Variants in ACTN4 observed in about 807,000 individuals in gnomAD.
The protein encoded by ACTN4 is actinin alpha 4, also known as alpha-actinin-4.
Under a neutral mutation model 114.2 loss-of-function variants are expected in ACTN4, and 18 were observed. That is an observed-to-expected ratio of 0.16 (90% CI 0.11 to 0.23). The LOEUF (loss-of-function observed/expected upper bound fraction) is 0.23, where lower values mean the gene tolerates loss of function less well. Ranked by LOEUF, ACTN4 falls within the 10% of genes least tolerant of loss-of-function variation. ACTN4 has a pLI of 1.00. For missense variants in ACTN4, 722 were observed against 1,262.9 expected, an observed-to-expected ratio of 0.57 and a Z score of 6.49; for synonymous variants, 515 against 506.3, an observed-to-expected ratio of 1.02 and a Z score of -0.23.
intron 1 of ACTN4, among the ~76,000 whole-genome samples, chr19:38,657,096 C>G (rs1976733113): frequency 6.6e-6 from 1 of 151,478 alleles, no homozygotes; most frequent in Non-Finnish European, 1.5e-5. Flanking sequence ...CAGCCTCAGC[C>G]TCCCTAGTAG....
At position 38,729,627 on chromosome 19, in the gene ACTN4, C is replaced by A; in HGVS notation, c.*195C>A. 2.4e-6 allele frequency: 2 copies of A among 820,614 alleles called. No homozygotes were observed. Among genetic ancestry groups the A allele is most frequent in the Non-Finnish European group, 4.0e-6 (2 of 494,662 alleles). The allele number at this position is 820,614 out of a possible 1,614,324, so 50.8% of individuals were successfully genotyped here. On this transcript the variant is annotated 3_prime_UTR_variant, in exon 21 of 21. Coordinates refer to ENST00000252699, the MANE Select transcript of ACTN4 (RefSeq NM_004924.6). ...GGGTTGGCCAGGAGGTTCCCCCGAC[C>A]AGGTTGGGGAGACTTGGGGCCAGCG... is the stretch of plus-strand genomic sequence containing the variant.
intron 4 of ACTN4, among the ~76,000 whole-genome samples, chr19:38,705,347 G>C (rs1172036451): frequency 3.3e-5 from 5 of 152,364 alleles, no homozygotes; most frequent in Admixed American, 3.3e-4. Flanking sequence ...TAGTGAGAGA[G>C]TTGGGCCTGG....
rs770826495 is a variant in ACTN4, at chr19:38,727,010, C to T, written c.2244C>T (p.Asn748=). The change falls in exon 18 of 21, where the codon AAC becomes AAT. Residue 748 remains asparagine, a synonymous_variant. Transcript: ENST00000252699. The surrounding 1 kb of genome is among the most constrained non-coding windows in gnomAD (Gnocchi z 5.4). ...QLLTTIARTI[N]EVENQILTRD... ...TCACCACCATTGCCCGCACCATCAA[C>T]GAGGTGGAGAACCAGATCCTCACCC... The T allele has an allele frequency of 6.8e-6, 11 of 1,614,160 alleles. No individual in the cohort carries two copies. Among genetic ancestry groups the T allele is most frequent in the Middle Eastern group, 1.6e-4 (1 of 6,062 alleles).
intron 1 of ACTN4, among the ~76,000 whole-genome samples, chr19:38,691,228 C>T (rs1448908041): frequency 6.6e-6 from 1 of 151,754 alleles, no homozygotes; most frequent in African/African-American, 2.4e-5. Context: ...CTAGCCTGAC[C>T]AACATGGAGA....
chr19:38,714,247 C>T (rs1232346870), intron 8 of ACTN4, among the ~76,000 whole-genome samples: 3 of 152,232 alleles, frequency 2.0e-5, no homozygotes, highest in Non-Finnish European at 2.9e-5. Flanking sequence ...TCGGTGCCTC[C>T]AGGGTCTGGG....
At position 38,728,897 on chromosome 19, in the gene ACTN4, ACT is replaced by A. The variant is rs1370858701; in HGVS notation, c.2419-93_2419-92del. ...CGCACGCACACGTGGGTTGGGCCCT[ACT>A]CTCTCGGCTGTTTCCCTGGAGACCC... On this transcript the variant is annotated intron_variant, in intron 19 of 20. Coordinates refer to ENST00000252699, the MANE Select transcript of ACTN4 (RefSeq NM_004924.6). The A allele has an allele frequency of 2.3e-5, 34 of 1,496,428 alleles. No homozygotes were observed. The Admixed American group carries it at 4.0e-4, about 18-fold the overall frequency. 92.7% of individuals were successfully genotyped at this position (1,496,428 alleles called of 1,614,324 possible). A position where few individuals can be genotyped will look rare whatever the true frequency, so the allele number is the denominator to read the frequency against.
rs543079987 is a variant in ACTN4, at chr19:38,687,315, A to G, written c.163-13285A>G. On this transcript the variant is annotated intron_variant, in intron 1 of 20. Coordinates refer to ENST00000252699, the MANE Select transcript of ACTN4 (RefSeq NM_004924.6). ...ACCTCAGATCTTTCATTTATGGAAC[A>G]AGGGGGTTGGATTAGATTGTTCGCT... Among the ~76,000 whole-genome samples the G allele has an allele frequency of 3.9e-5, 6 of 152,236 alleles. No individual in the cohort carries two copies. In the East Asian group the frequency reaches 7.7e-4, roughly 20 times the overall value.
Position 38,693,211 on chromosome 19 carries a change from A to T in ACTN4, c.163-7389A>T, listed in dbSNP as rs1967986931. Among the ~76,000 whole-genome samples, 8 of 152,116 alleles carry T rather than the reference A, an allele frequency of 5.3e-5. No homozygotes were observed. The South Asian group carries it at 1.7e-3, about 32-fold the overall frequency. Reference sequence around the variant, plus strand: ...GTGAGCATCAGCCTGGTGGGTGGGGAGAGTGAAGCCTGCGATCCAGTCTGG... The same window carrying T: ...GTGAGCATCAGCCTGGTGGGTGGGGTGAGTGAAGCCTGCGATCCAGTCTGG... On this transcript the variant is annotated intron_variant, in intron 1 of 20. Coordinates refer to ENST00000252699, the MANE Select transcript of ACTN4 (RefSeq NM_004924.6).
At chr19:38,689,143 G>A (rs988932124) in intron 1 of ACTN4, among the ~76,000 whole-genome samples, 1 of 152,032 alleles carries the variant, frequency 6.6e-6, no homozygotes. Context: ...TATTCACGGT[G>A]GTGCTAATAT....
chr19:38,724,356 C>A lies in ACTN4; in HGVS notation c.1875+17C>A. ...TGGGAGAAGGTGGGCCGGGGCCATC[C>A]GTAGGGGCTGGGGCAGGACGGCGGG... On this transcript the variant is annotated intron_variant, in intron 15 of 20. Transcript: ENST00000252699. The surrounding 1 kb of genome is among the most constrained non-coding windows in gnomAD (Gnocchi z 7.0). 1 of 1,613,106 alleles carries A rather than the reference C, an allele frequency of 6.2e-7. No homozygotes were observed. Among genetic ancestry groups the A allele is most frequent in the Non-Finnish European group, 8.5e-7 (1 of 1,179,844 alleles).
chr19:38,701,723 C>CT (rs1174788081), intron 3 of ACTN4, among the ~76,000 whole-genome samples: 2 of 152,254 alleles, frequency 1.3e-5, no homozygotes, highest in Non-Finnish European at 1.5e-5. Context: ...GAGCAGCAGG[C>CT]TCTCAGCAGG....
chr19:38,704,007 T>C (rs992244665), intron 3 of ACTN4, among the ~76,000 whole-genome samples: 1 of 152,182 alleles, frequency 6.6e-6, no homozygotes, highest in Non-Finnish European at 1.5e-5. Context: ...GGCCTGGGCC[T>C]TCAGGGCAAG....
chr19:38,721,153 A>G (rs1196323030), intron 11 of ACTN4, among the ~76,000 whole-genome samples: 1 of 152,196 alleles, frequency 6.6e-6, no homozygotes, highest in Non-Finnish European at 1.5e-5. Flanking sequence ...CTGCTGGGAC[A>G]TGGGCTTTGA....
chr19:38,667,417 G>A (rs1568683917), intron 1 of ACTN4, among the ~76,000 whole-genome samples: 1 of 152,014 alleles, frequency 6.6e-6, no homozygotes, highest in African/African-American at 2.4e-5. Context: ...AATCACAAGG[G>A]GTGGGGGGTG....
chr19:38,725,792 T>C lies in ACTN4; in HGVS notation c.2079T>C (p.Tyr693=). 2 of 1,614,158 alleles carry C rather than the reference T, an allele frequency of 1.2e-6. No homozygotes were observed. Among genetic ancestry groups the C allele is most frequent in the Non-Finnish European group, 1.7e-6 (2 of 1,180,044 alleles). ...ACCAGCTGAGCCACCTGAAGCAGTA[T>C]GAACGCAGCATCGTGGACTACAAGC... ...LEDQLSHLKQ[Y]ERSIVDYKPN... is the part of the protein sequence containing the mutation. Residue 693 remains tyrosine (Y), a synonymous_variant, in exon 17 of 21, where the codon TAT becomes TAC. Coordinates refer to ENST00000252699, the MANE Select transcript of ACTN4 (RefSeq NM_004924.6).
chr19:38,649,486 G>C (rs527365334), intron 1 of ACTN4, among the ~76,000 whole-genome samples: 85 of 152,284 alleles, frequency 5.6e-4, no homozygotes, highest in African/African-American at 2.0e-3. Flanking sequence ...GATTCGCTCT[G>C]TGGCCTTGGA....
Position 38,701,112 on chromosome 19 carries a change from G to A in ACTN4, c.388G>A (p.Gly130Arg). The change falls in exon 3 of 21, where the codon GGG (glycine) becomes AGG (arginine). Residue 130 changes from glycine (G) to arginine (R), a missense_variant. This residue lies in a region of ACTN4 where 127 missense variants were observed against 311.3 expected (regional missense o/e 0.41). Coordinates refer to ENST00000252699, the MANE Select transcript of ACTN4 (RefSeq NM_004924.6). ...ASKGVKLVSI[G>R]AEEIVDGNAK... ...CAAAGGCGTCAAGCTGGTCTCCATC[G>A]GGGCAGAAGGTGAGCTGGAGGTGGG... 1.2e-6 allele frequency: 2 copies of A among 1,614,002 alleles called. No individual in the cohort carries two copies. Among genetic ancestry groups the A allele is most frequent in the Middle Eastern group, 1.7e-4 (1 of 5,932 alleles).
At chr19:38,722,523 G>C (rs913593213) in intron 12 of ACTN4, among the ~76,000 whole-genome samples, 2 of 152,236 alleles carry the variant, frequency 1.3e-5, no homozygotes, top group Admixed American at 6.5e-5. Context: ...GGGCAGAGCT[G>C]GTTTCCTCCC....
chr19:38,723,583 C>T (rs140926168), intron 12 of ACTN4, 31 bp from the exon 13 acceptor site: 18 of 1,537,550 alleles, frequency 1.2e-5, no homozygotes, highest in South Asian at 2.3e-5. Context: ...TTGCCCTTGC[C>T]GAGTCTCATT....
Sources: allele counts gnomAD v4.1 joint callset (sites outside exome capture counted in the v4.1 genomes callset), GRCh38; gene constraint gnomAD v4.1.1; regional missense constraint gnomAD v4.1.1; non-coding constraint Gnocchi (gnomAD v3.1); transcripts MANE v1.5; gene names NCBI Gene and HGNC (gene_info 2026-07-23, HGNC 2026-07-21).